Variants in OR7C1 observed in about 807,000 individuals in gnomAD.
The protein encoded by OR7C1 is olfactory receptor family 7 subfamily C member 1.
For synonymous variants in OR7C1, 152 were observed against 160.7 expected, an observed-to-expected ratio of 0.95 and a Z score of 0.41; for missense variants, 324 against 383.3, an observed-to-expected ratio of 0.85 and a Z score of 1.29.
rs1268702024 is a variant in OR7C1 at position 14,832,434 on chromosome 19, CT to C, written c.-623+2639del. 5.1e-3 allele frequency among the ~76,000 whole-genome samples: 441 copies of C among 86,448 alleles called. 3 individuals carry two copies. Among genetic ancestry groups the C allele is most frequent in the African/African-American group, 9.8e-3 (237 of 24,154 alleles). The allele number at this position is 86,448 out of a possible 152,430, so 56.7% of individuals were successfully genotyped here. On this transcript the variant is annotated intron_variant, in intron 1 of 4. Transcript: ENST00000641666. ...TCTCTCTTTCTTTCTTTTTTCTTTTCTTTTTTTTTTTTAATGGAGCCTTGCT... is the reference window on the plus strand; with the variant it reads ...TCTCTCTTTCTTTCTTTTTTCTTTTCTTTTTTTTTTTAATGGAGCCTTGCT...
At chr19:14,799,810 G>A (rs1300523591) in exon 5 of OR7C1, 1 of 1,613,780 alleles carries the variant, frequency 6.2e-7, no homozygotes, top group Admixed American at 1.7e-5. Context: ...AATTGTCCAG[G>A]CATCCAAATG....
intron 1 of OR7C1, among the ~76,000 whole-genome samples, chr19:14,812,818 C>T (rs1473331011): frequency 6.6e-6 from 1 of 151,986 alleles, no homozygotes; most frequent in Non-Finnish European, 1.5e-5. Flanking sequence ...AATCCCAGCA[C>T]TTTGGGAGGC....
At chr19:14,832,202 G>T (rs140272127) in intron 1 of OR7C1, among the ~76,000 whole-genome samples, 8 of 151,998 alleles carry the variant, frequency 5.3e-5, no homozygotes, top group African/African-American at 1.7e-4. Context: ...GAGTCACCTC[G>T]CTTGGCCTGA....
intron 2 of OR7C1, among the ~76,000 whole-genome samples, chr19:14,802,676 A>G (rs1358838315): frequency 6.6e-6 from 1 of 152,228 alleles, no homozygotes; most frequent in Non-Finnish European, 1.5e-5. Context: ...GGAAAAGCAT[A>G]TGAGTAGTGG....
At chr19:14,825,297 TG>T (rs2044760105) in intron 1 of OR7C1, 1 of 150,322 alleles carries the variant, frequency 6.7e-6, no homozygotes, top group Admixed American at 6.7e-5. Flanking sequence ...ATGGGAGGAG[TG>T]GGGAATGGGA....
chr19:14,812,880 A>C (rs1363087116), intron 1 of OR7C1, among the ~76,000 whole-genome samples: 1 of 151,840 alleles, frequency 6.6e-6, no homozygotes, highest in Non-Finnish European at 1.5e-5. Context: ...CCTTGCCAGC[A>C]TGGTGAAACC....
chr19:14,802,686 G>A (rs1431346367), intron 2 of OR7C1, among the ~76,000 whole-genome samples: 1 of 152,190 alleles, frequency 6.6e-6, no homozygotes, highest in Non-Finnish European at 1.5e-5. Context: ...ATGAGTAGTG[G>A]TAAATGATGG....
At chr19:14,818,062 T>TTTATTTTATTTATTTA (rs1555695177) in intron 1 of OR7C1, among the ~76,000 whole-genome samples, 1 of 139,460 alleles carries the variant, frequency 7.2e-6, no homozygotes, top group Admixed American at 7.3e-5. Context: ...ATTTTATTTA[T>TTTATTTTATTTATTTA]TTTATTTATT....
chr19:14,833,567 T>A (rs1256366481), intron 1 of OR7C1, among the ~76,000 whole-genome samples: 1 of 152,182 alleles, frequency 6.6e-6, no homozygotes, highest in Non-Finnish European at 1.5e-5. Flanking sequence ...ACTAAGGCAA[T>A]AATTGCAGAA....
At chr19:14,822,829 C>T (rs2044747534) in intron 1 of OR7C1, among the ~76,000 whole-genome samples, 2 of 151,354 alleles carry the variant, frequency 1.3e-5, no homozygotes, top group Non-Finnish European at 1.5e-5. Flanking sequence ...AGACATGTCT[C>T]TTCATGTCCT....
Position 14,827,614 on chromosome 19 carries a change from G to C in OR7C1, c.-623+7460C>G, listed in dbSNP as rs376674635. 8 of 1,614,056 alleles carry C rather than the reference G, an allele frequency of 5.0e-6. No homozygotes were observed. The African/African-American group carries it at 1.1e-4, about 22-fold the overall frequency. On this transcript the variant is annotated intron_variant, in intron 1 of 4. Transcript: ENST00000641666. ...TAAGAGTAAAGGATCCCAGTCAGGG[G>C]ACCTCCACCCAGCAGCGCAACTGTA...
At chr19:14,803,737 T>A (rs937456555) in intron 2 of OR7C1, among the ~76,000 whole-genome samples, 1 of 151,142 alleles carries the variant, frequency 6.6e-6, no homozygotes, top group Non-Finnish European at 1.5e-5. Context: ...TGAGACGGAG[T>A]GTCGCTGTGT....
At chr19:14,813,442 C>T (rs2044700879) in intron 1 of OR7C1, among the ~76,000 whole-genome samples, 1 of 151,976 alleles carries the variant, frequency 6.6e-6, no homozygotes, top group African/African-American at 2.4e-5. Flanking sequence ...GTAGTCCCAG[C>T]TACTCGGGAG....
chr19:14,803,740 C>T (rs367939932), intron 2 of OR7C1, among the ~76,000 whole-genome samples: 6 of 151,304 alleles, frequency 4.0e-5, no homozygotes, highest in East Asian at 3.9e-4. Context: ...GACGGAGTGT[C>T]GCTGTGTCGC....
intron 1 of OR7C1, chr19:14,828,021 G>A (rs754396526): frequency 1.2e-6 from 2 of 1,614,236 alleles, no homozygotes; most frequent in East Asian, 2.2e-5. Context: ...GGTGGTGGAA[G>A]TAACACAAAT....
intron 2 of OR7C1, among the ~76,000 whole-genome samples, chr19:14,802,701 G>A (rs1482051878): frequency 2.6e-5 from 4 of 152,178 alleles, no homozygotes; most frequent in Non-Finnish European, 5.9e-5. Context: ...TGATGGACAC[G>A]CTGACATGTC....
intron 2 of OR7C1, among the ~76,000 whole-genome samples, chr19:14,805,215 C>A (rs985284774): frequency 1.3e-5 from 2 of 151,562 alleles, no homozygotes; most frequent in East Asian, 3.9e-4. Flanking sequence ...AGTCTGTACT[C>A]CTCCTGCCTG....
chr19:14,799,759 G>A (rs1316205183), exon 5 of OR7C1: 2 of 1,613,918 alleles, frequency 1.2e-6, no homozygotes, highest in Non-Finnish European at 1.7e-6. Flanking sequence ...GGGGGTGACA[G>A]ACGGCCACGA....
intron 2 of OR7C1, among the ~76,000 whole-genome samples, chr19:14,803,318 A>G (rs1263180295): frequency 6.6e-6 from 1 of 151,412 alleles, no homozygotes; most frequent in African/African-American, 2.4e-5. Flanking sequence ...AAAAAAAAAA[A>G]AAAAAAAAGA....
Sources: allele counts gnomAD v4.1 joint callset (sites outside exome capture counted in the v4.1 genomes callset), GRCh38; gene constraint gnomAD v4.1.1; transcripts MANE v1.5; gene names NCBI Gene and HGNC (gene_info 2026-07-23, HGNC 2026-07-21).